Variants in NR6A1 observed in about 807,000 individuals in gnomAD.
The protein encoded by NR6A1 is retinoic acid receptor-related testis-associated receptor.
In NR6A1, 7 loss-of-function variants were observed where a neutral mutation model predicts 59.1. The ratio of observed to expected loss-of-function variants is 0.12; its 90% CI spans 0.07 to 0.22. NR6A1 has a LOEUF of 0.22. Ranked by LOEUF, NR6A1 falls within the 10% of genes least tolerant of loss-of-function variation. The probability of loss-of-function intolerance (pLI) is 1.00; values close to 1 mark genes in which losing one functional copy is unlikely to be tolerated. For synonymous variants in NR6A1, 243 were observed against 236.1 expected (o/e 1.03, Z -0.27); for missense variants, 468 against 611.6 (o/e 0.77, Z 2.48).
intron 4 of NR6A1, among the ~76,000 whole-genome samples, chr9:124,541,782 A>C (rs909997934): frequency 6.6e-6 from 1 of 152,262 alleles, no homozygotes; most frequent in Non-Finnish European, 1.5e-5. Flanking sequence ...AAACAATTTA[A>C]GTGTCTGATG....
intron 7 of NR6A1, 59 bp downstream of exon 7, chr9:124,535,819 T>C: frequency 6.3e-7 from 1 of 1,597,358 alleles, no homozygotes; most frequent in Non-Finnish European, 8.5e-7. Flanking sequence ...CAACTCTGCC[T>C]TACAGGGATG....
intron 3 of NR6A1, among the ~76,000 whole-genome samples, chr9:124,552,057 T>C (rs1167696841): frequency 6.6e-6 from 1 of 152,058 alleles, no homozygotes; most frequent in African/African-American, 2.4e-5. Context: ...GTCAGAGGGG[T>C]TATAAGGTTA....
intron 4 of NR6A1, among the ~76,000 whole-genome samples, chr9:124,542,896 T>C (rs1479340750): frequency 3.3e-5 from 5 of 152,168 alleles, no homozygotes; most frequent in Non-Finnish European, 7.3e-5. Flanking sequence ...CCTACTAATG[T>C]GCCAAGGGAT....
intron 2 of NR6A1, among the ~76,000 whole-genome samples, chr9:124,654,881 C>CACACACACACA: frequency 6.8e-6 from 1 of 146,192 alleles, no homozygotes; most frequent in South Asian, 2.2e-4. Context: ...TTTGTACACA[C>CACACACACACA]ACACACACAC....
chr9:124,766,719 A>C (rs1303508296), intron 1 of NR6A1, among the ~76,000 whole-genome samples: 1 of 152,226 alleles, frequency 6.6e-6, no homozygotes, highest in East Asian at 1.9e-4. Flanking sequence ...TAAACTTAAG[A>C]AGCAAAGATT....
chr9:124,604,923 A>C (rs1020770029), intron 2 of NR6A1, among the ~76,000 whole-genome samples: 1 of 152,224 alleles, frequency 6.6e-6, no homozygotes, highest in Non-Finnish European at 1.5e-5. Context: ...CTATGGACAA[A>C]TTTCTTTATA....
intron 2 of NR6A1, among the ~76,000 whole-genome samples, chr9:124,722,801 C>T (rs2131100168): frequency 6.6e-6 from 1 of 152,194 alleles, no homozygotes; most frequent in East Asian, 1.9e-4. Context: ...TTCAGTGCAG[C>T]CTCAACCTCC....
chr9:124,608,552 A>G (rs1835641537), intron 2 of NR6A1, among the ~76,000 whole-genome samples: 1 of 152,164 alleles, frequency 6.6e-6, no homozygotes. Context: ...ATTCATGGGC[A>G]TTTGGGTTGA....
At chr9:124,642,787 T>C (rs1173319507) in intron 2 of NR6A1, among the ~76,000 whole-genome samples, 1 of 152,048 alleles carries the variant, frequency 6.6e-6, no homozygotes, top group Non-Finnish European at 1.5e-5. Flanking sequence ...GATGACCAAA[T>C]TGGCTGGTTA....
At chr9:124,531,509 T>G (rs977066124) in intron 7 of NR6A1, among the ~76,000 whole-genome samples, 1 of 152,176 alleles carries the variant, frequency 6.6e-6, no homozygotes, top group Non-Finnish European at 1.5e-5. Flanking sequence ...AGCAAGGCAG[T>G]AGCAGGCAAG....
chr9:124,542,981 T>G (rs908711049), intron 4 of NR6A1, among the ~76,000 whole-genome samples: 4 of 152,168 alleles, frequency 2.6e-5, no homozygotes, highest in Non-Finnish European at 5.9e-5. Flanking sequence ...GAACAACGGG[T>G]AAGAACAAGT....
At chr9:124,720,652 A>G (rs1839535839) in intron 2 of NR6A1, among the ~76,000 whole-genome samples, 1 of 152,222 alleles carries the variant, frequency 6.6e-6, no homozygotes, top group South Asian at 2.1e-4. Context: ...AAATAAAACA[A>G]AAACAAAGTA....
intron 1 of NR6A1, among the ~76,000 whole-genome samples, chr9:124,745,257 G>GAA (rs34826262): frequency 2.6e-4 from 39 of 148,890 alleles, no homozygotes; most frequent in Admixed American, 3.3e-4. Flanking sequence ...ATATATACAT[G>GAA]AAAAAAAAAA....
chr9:124,634,730 G>A (rs1836549199), intron 2 of NR6A1, among the ~76,000 whole-genome samples: 1 of 152,154 alleles, frequency 6.6e-6, no homozygotes, highest in Non-Finnish European at 1.5e-5. Context: ...GCTGAGGCAG[G>A]AGAATGGCGT....
intron 2 of NR6A1, among the ~76,000 whole-genome samples, chr9:124,638,262 T>G (rs1160400567): frequency 2.0e-5 from 3 of 149,652 alleles, no homozygotes; most frequent in African/African-American, 7.5e-5. Flanking sequence ...TCTTTGGTGT[T>G]TAAAAAAAAA....
chr9:124,599,419 C>CAAAA, intron 2 of NR6A1: 30 of 291,408 alleles, frequency 1.0e-4, no homozygotes, highest in Admixed American at 2.2e-4. Context: ...TACATGGTCT[C>CAAAA]AAAAAAAAAA....
intron 2 of NR6A1, chr9:124,607,184 G>A (rs761229200): frequency 6.6e-6 from 1 of 151,950 alleles, no homozygotes; most frequent in Non-Finnish European, 1.5e-5. Context: ...ATATCCCTAC[G>A]GTCCCAGCCA....
At chr9:124,558,843 AACCAACCAAC>A (rs1833998766) in intron 2 of NR6A1, among the ~76,000 whole-genome samples, 2 of 151,296 alleles carry the variant, frequency 1.3e-5, no homozygotes, top group African/African-American at 4.9e-5. Context: ...CCAACCACCC[AACCAACCAAC>A]CAAAAAAGCC....
In NR6A1 at chr9:124,682,633, T is replaced by C. The variant is rs556913438; in HGVS notation, c.142+50675A>G. On this transcript the variant is annotated intron_variant, in intron 2 of 9. Coordinates refer to ENST00000487099, the MANE Select transcript of NR6A1 (RefSeq NM_033334.4). ...AATATATAATGGTTTATCATTTTTA[T>C]TTAATCTTTAAATGAATTAAAATAC... Among the ~76,000 whole-genome samples the C allele has an allele frequency of 5.3e-5, 8 of 152,358 alleles. 1 individual carries two copies. In the South Asian group the frequency reaches 1.7e-3, roughly 32 times the overall value.
Sources: gnomAD v4.1 joint callset for allele counts (sites outside exome capture counted in the v4.1 genomes callset) on GRCh38, gnomAD v4.1.1 for gene constraint, MANE v1.5 for transcripts, NCBI Gene and HGNC (gene_info 2026-07-23, HGNC 2026-07-21) for gene names.